The following GPR4 variants were observed in gnomAD, a reference collection of about 807,000 sequenced individuals.
GPR4 encodes G protein-coupled receptor 4.
In GPR4, 11 loss-of-function variants were observed where a neutral mutation model predicts 17.8. That is an observed-to-expected ratio of 0.62 (90% CI 0.39 to 1.02). The LOEUF (loss-of-function observed/expected upper bound fraction) is 1.02. GPR4 is among the 50% of genes least tolerant of loss of function. GPR4 has a pLI of 0.00. For missense variants in GPR4, 364 were observed against 495.4 expected (o/e 0.73, Z 2.52); for synonymous variants, 219 against 222.8 (o/e 0.98, Z 0.15).
chr19:45,590,715 G>A lies in GPR4; in HGVS notation c.*63C>T. 3 of 1,512,518 alleles carry A rather than the reference G, an allele frequency of 2.0e-6. No individual in the cohort carries two copies. Among genetic ancestry groups the A allele is most frequent in the Non-Finnish European group, 2.7e-6 (3 of 1,127,670 alleles). The allele number at this position is 1,512,518 out of a possible 1,614,324, so 93.7% of individuals were successfully genotyped here. Reference sequence around the variant, plus strand: ...TTTTCCATACAATTTGCATACACCAGACCAGGAGAGAAGGGACTGTGGGAT... The same window carrying A: ...TTTTCCATACAATTTGCATACACCAAACCAGGAGAGAAGGGACTGTGGGAT... On this transcript the variant is annotated 3_prime_UTR_variant, in exon 2 of 2. Coordinates refer to ENST00000323040, the MANE Select transcript of GPR4 (RefSeq NM_005282.3).
intron 1 of GPR4, among the ~76,000 whole-genome samples, chr19:45,600,098 A>T (rs1171603255): frequency 6.6e-6 from 1 of 152,128 alleles, no homozygotes; most frequent in Non-Finnish European, 1.5e-5. Context: ...AAGATTGTGC[A>T]GAATTCTAAG....
At chr19:45,594,064 A>AAAATATATATATATC (rs1970029589) in intron 1 of GPR4, among the ~76,000 whole-genome samples, 1 of 28,228 alleles carries the variant, frequency 3.5e-5, no homozygotes, top group African/African-American at 2.1e-4. Flanking sequence ...AAAAAAAAAA[A>AAAATATATATATATC]TATATATATA....
chr19:45,598,642 G>A (rs1448020487), intron 1 of GPR4, among the ~76,000 whole-genome samples: 1 of 152,096 alleles, frequency 6.6e-6, no homozygotes, highest in Non-Finnish European at 1.5e-5. Flanking sequence ...AGCATGGAAC[G>A]TCAGACTCTT....
chr19:45,599,323 C>T (rs948899569), intron 1 of GPR4, among the ~76,000 whole-genome samples: 7 of 152,186 alleles, frequency 4.6e-5, no homozygotes, highest in East Asian at 3.9e-4. Flanking sequence ...TACAGCCCCC[C>T]GCATCCCCCA....
At chr19:45,593,606 C>T (rs1291696639) in intron 1 of GPR4, among the ~76,000 whole-genome samples, 1 of 151,924 alleles carries the variant, frequency 6.6e-6, no homozygotes, top group East Asian at 1.9e-4. Flanking sequence ...TGCAGAATTC[C>T]TGTAAAACTG....
intron 1 of GPR4, among the ~76,000 whole-genome samples, chr19:45,595,879 T>C (rs568455527): frequency 9.2e-5 from 14 of 152,180 alleles, no homozygotes; most frequent in African/African-American, 3.1e-4. Context: ...TTTTAAAACA[T>C]GTTAAAAATG....
intron 1 of GPR4, among the ~76,000 whole-genome samples, chr19:45,593,919 G>C (rs1345579163): frequency 6.7e-6 from 1 of 148,844 alleles, no homozygotes; most frequent in Admixed American, 6.7e-5. Context: ...TTGCTCTTTT[G>C]TCCAGACTAG....
intron 1 of GPR4, among the ~76,000 whole-genome samples, chr19:45,593,140 G>C (rs1970015236): frequency 6.7e-6 from 1 of 148,194 alleles, no homozygotes; most frequent in Non-Finnish European, 1.5e-5. Flanking sequence ...TCAGGCTGTA[G>C]TGAGCTATAA....
chr19:45,601,487 C>T (rs1293898032), intron 1 of GPR4, among the ~76,000 whole-genome samples: 1 of 152,014 alleles, frequency 6.6e-6, no homozygotes, highest in African/African-American at 2.4e-5. Flanking sequence ...ACTTAGAGTC[C>T]GCCTGCCCCA....
chr19:45,593,328 A>G (rs972411496), intron 1 of GPR4, among the ~76,000 whole-genome samples: 11 of 151,746 alleles, frequency 7.2e-5, no homozygotes, highest in African/African-American at 2.4e-4. Flanking sequence ...GTGAAACCCC[A>G]TCTCTACTAA....
intron 1 of GPR4, among the ~76,000 whole-genome samples, chr19:45,594,755 G>A (rs28582868): frequency 4.5e-5 from 3 of 66,680 alleles, no homozygotes; most frequent in Non-Finnish European, 6.2e-5. Flanking sequence ...GGCCAAGGCG[G>A]GAGGATCGCC....
intron 1 of GPR4, among the ~76,000 whole-genome samples, chr19:45,594,195 G>A (rs1255679867): frequency 2.7e-5 from 4 of 146,738 alleles, no homozygotes; most frequent in Non-Finnish European, 6.0e-5. Flanking sequence ...AGGCTGAGGC[G>A]GGCGGATCAT....
In GPR4 at chr19:45,601,138, G is replaced by A. The variant is rs186305430; in HGVS notation, c.-832+957C>T. Among the ~76,000 whole-genome samples the A allele has an allele frequency of 3.7e-4, 57 of 152,250 alleles. 1 individual carries two copies. In the Middle Eastern group the frequency reaches 0.02, roughly 55 times the overall value. ...TGGTGGGCTCTGGAGGGGGAACTGG[G>A]GGGTGTGGCCCCATCCTCTCCACTT... On this transcript the variant is annotated intron_variant, in intron 1 of 1. Coordinates refer to ENST00000323040, the MANE Select transcript of GPR4 (RefSeq NM_005282.3).
In GPR4 at chr19:45,591,675, C is replaced by A; in HGVS notation, c.192G>T (p.Leu64=). The change falls in exon 2 of 2, where the codon CTG becomes CTT. Residue 64 remains leucine (L), a synonymous_variant. Transcript: ENST00000323040. The surrounding 1 kb of genome is among the most constrained non-coding windows in gnomAD (Gnocchi z 7.6). ...VYLMNLSIAD[L]LYICTLPLWV... is the part of the protein sequence containing the mutation. ...ACAGCGGCAGCGTGCAGATGTACAG[C>A]AGGTCGGCGATGCTGAGGTTCATCA... 6.2e-7 allele frequency: 1 copy of A among 1,613,958 alleles called. No individual in the cohort carries two copies.
Position 45,594,058 on chromosome 19 carries a change from AAAAAAATATATATATATAT to A in GPR4, c.-831-1380_-831-1362del, listed in dbSNP as rs1376115560. On this transcript the variant is annotated intron_variant, in intron 1 of 1. Coordinates refer to ENST00000323040, the MANE Select transcript of GPR4 (RefSeq NM_005282.3). ...ACCATGCCTGGCTTAAAAAAAAAAA[AAAAAAATATATATATATAT>A]ATATATATATATATATAAAATAGAT... Among the ~76,000 whole-genome samples the A allele has an allele frequency of 1.6e-4, 9 of 58,012 alleles. 1 individual carries two copies. Among genetic ancestry groups the A allele is most frequent in the African/African-American group, 8.0e-4 (9 of 11,200 alleles). 38.1% of individuals were successfully genotyped at this position (58,012 alleles called of 152,430 possible). A position where few individuals can be genotyped will look rare whatever the true frequency, so the allele number is the denominator to read the frequency against.
In GPR4 at chr19:45,592,116, A is replaced by G. The variant is rs946158367; in HGVS notation, c.-250T>C. On this transcript the variant is annotated 5_prime_UTR_variant, in exon 2 of 2. Coordinates refer to ENST00000323040, the MANE Select transcript of GPR4 (RefSeq NM_005282.3). ...GGGAAGTCTGGAGGATGGTGAGATTAATAAAGAGGTTTTTCAAGGAGGTTA... is the reference window on the plus strand; with the variant it reads ...GGGAAGTCTGGAGGATGGTGAGATTGATAAAGAGGTTTTTCAAGGAGGTTA... The G allele has an allele frequency of 3.1e-5, 14 of 452,386 alleles. No homozygotes were observed. The highest frequency in any genetic ancestry group is 2.8e-4 in the African/African-American group (14 of 49,138). 28.0% of individuals were successfully genotyped at this position (452,386 alleles called of 1,614,324 possible).
At chr19:45,594,437 A>G (rs1376705529) in intron 1 of GPR4, among the ~76,000 whole-genome samples, 1 of 151,048 alleles carries the variant, frequency 6.6e-6, no homozygotes, top group Non-Finnish European at 1.5e-5. Flanking sequence ...AAAAAAAAAA[A>G]AAAAAGAGAT....
intron 1 of GPR4, among the ~76,000 whole-genome samples, chr19:45,598,672 G>A (rs1467630435): frequency 6.6e-6 from 1 of 152,124 alleles, no homozygotes; most frequent in Non-Finnish European, 1.5e-5. Flanking sequence ...CAGTGCAGCC[G>A]ACGTATGTGT....
At chr19:45,595,308 TAAATAAATAAA>T (rs1970046312) in intron 1 of GPR4, among the ~76,000 whole-genome samples, 1 of 141,144 alleles carries the variant, frequency 7.1e-6, no homozygotes, top group Non-Finnish European at 1.5e-5. Context: ...AATAAATAAA[TAAATAAATAAA>T]AAATAACTGG....
Sources: allele counts gnomAD v4.1 joint callset (sites outside exome capture counted in the v4.1 genomes callset), GRCh38; gene constraint gnomAD v4.1.1; non-coding constraint Gnocchi (gnomAD v3.1); transcripts MANE v1.5; gene names NCBI Gene and HGNC (gene_info 2026-07-23, HGNC 2026-07-21).